The following RGS6 variants were observed in gnomAD, a reference collection of about 807,000 sequenced individuals.
RGS6 encodes regulator of G protein signaling 6, also known as regulator of G-protein signaling 6.
A neutral mutation model predicts 78.5 loss-of-function variants in RGS6; 30 were observed. The ratio of observed to expected loss-of-function variants is 0.38; its 90% CI spans 0.29 to 0.52. The LOEUF is 0.52. Ranked by LOEUF, RGS6 falls within the 20% of genes least tolerant of loss-of-function variation. RGS6 has a pLI of 0.85. For missense variants in RGS6, 495 were observed against 609.7 expected (o/e 0.81, Z 1.98); for synonymous variants, 206 against 206.0 (o/e 1.00, Z 0.00).
At chr14:72,087,268 T>C (rs72737869) in intron 2 of RGS6, among the ~76,000 whole-genome samples, 24,115 of 152,056 alleles carry the variant, frequency 0.16, 2,078 homozygotes, top group Non-Finnish European at 0.18. Context: ...GTAGCTAGGA[T>C]TACAGGTGCA....
At chr14:71,973,709 AG>A (rs1190653775) in intron 2 of RGS6, among the ~76,000 whole-genome samples, 2 of 152,224 alleles carry the variant, frequency 1.3e-5, no homozygotes, top group African/African-American at 4.8e-5. Flanking sequence ...GAAAGTGTTC[AG>A]GGTAACTAAT....
chr14:72,101,763 G>C (rs768269663), intron 2 of RGS6, among the ~76,000 whole-genome samples: 31 of 152,288 alleles, frequency 2.0e-4, no homozygotes, highest in Non-Finnish European at 3.1e-4. Context: ...TCTACCCCCA[G>C]TGTGATGTTA....
chr14:72,431,217 C>G (rs1036583188), intron 3 of RGS6, among the ~76,000 whole-genome samples: 4 of 152,172 alleles, frequency 2.6e-5, no homozygotes, highest in Non-Finnish European at 4.4e-5. Context: ...CAGAACTCTT[C>G]AATATGGACT....
intron 2 of RGS6, among the ~76,000 whole-genome samples, chr14:72,280,282 T>A (rs2061363535): frequency 6.6e-6 from 1 of 152,074 alleles, no homozygotes; most frequent in Non-Finnish European, 1.5e-5. Context: ...TTTAAAATAA[T>A]AGGGAATAGA....
rs1347302252 is a variant in RGS6, at chr14:72,563,197, T to C, written c.*730T>C. ...TCCAGCGTTCGAGGAAGCACTGTTG[T>C]AGATGACAGAGCTTTTTGTTTCACA... On this transcript the variant is annotated 3_prime_UTR_variant, in exon 18 of 18. Coordinates refer to ENST00000553525, the MANE Select transcript of RGS6 (RefSeq NM_001204424.2). 1.1e-5 allele frequency: 2 copies of C among 185,224 alleles called. No homozygotes were observed. Among genetic ancestry groups the C allele is most frequent in the Non-Finnish European group, 2.3e-5 (2 of 87,252 alleles). The allele number at this position is 185,224 out of a possible 1,614,324, so 11.5% of individuals were successfully genotyped here. A position where few individuals can be genotyped will look rare whatever the true frequency, so the allele number is the denominator to read the frequency against.
intron 17 of RGS6, chr14:72,541,319 G>C: frequency 1.5e-6 from 2 of 1,337,636 alleles, no homozygotes; most frequent in East Asian, 5.1e-5. Context: ...GTCGTAGCTA[G>C]ATGCATTTTA....
At chr14:72,103,355 T>C (rs1385369746) in intron 2 of RGS6, among the ~76,000 whole-genome samples, 1 of 152,244 alleles carries the variant, frequency 6.6e-6, no homozygotes, top group Non-Finnish European at 1.5e-5. Context: ...TGAAATGATT[T>C]TTAAATTAAC....
intron 2 of RGS6, among the ~76,000 whole-genome samples, chr14:72,306,450 T>C (rs2067262397): frequency 6.6e-6 from 1 of 152,200 alleles, no homozygotes; most frequent in Non-Finnish European, 1.5e-5. Flanking sequence ...ATAGCTCCCA[T>C]AGATAAGGAT....
chr14:72,595,204 G>A, the RGS6 span: 2 of 152,046 alleles, frequency 1.3e-5, no homozygotes, highest in African/African-American at 4.8e-5. Context: ...TGACCACCCT[G>A]ACCTTAGCAA....
intron 2 of RGS6, among the ~76,000 whole-genome samples, chr14:72,128,736 C>G (rs375248911): frequency 1.3e-5 from 2 of 152,178 alleles, no homozygotes; most frequent in African/African-American, 4.8e-5. Flanking sequence ...TTGAAAGATG[C>G]CCGGAAACAT....
At position 72,137,398 on chromosome 14, in the gene RGS6, G is replaced by A. The variant is rs574619573; in HGVS notation, c.84+172523G>A. 1.8e-3 allele frequency among the ~76,000 whole-genome samples: 268 copies of A among 152,266 alleles called. 1 individual carries two copies. Among genetic ancestry groups the A allele is most frequent in the Non-Finnish European group, 2.3e-3 (159 of 68,022 alleles). On this transcript the variant is annotated intron_variant, in intron 2 of 17. Coordinates refer to ENST00000553525, the MANE Select transcript of RGS6 (RefSeq NM_001204424.2). The stretch of plus-strand genomic sequence containing the variant: ...CACTGGATGTCCTATAGTTTGGCCC[G>A]GTTCTAACACTGTCTACCTGGAGAT...
the RGS6 span, among the ~76,000 whole-genome samples, chr14:72,612,224 GC>G: frequency 6.6e-6 from 1 of 152,212 alleles, no homozygotes; most frequent in Non-Finnish European, 1.5e-5. Flanking sequence ...GAGCACAAAT[GC>G]CCCCTAAGCA....
At chr14:71,918,837 C>T in the RGS6 span, among the ~76,000 whole-genome samples, 13 of 151,944 alleles carry the variant, frequency 8.6e-5, no homozygotes, top group South Asian at 6.2e-4. Flanking sequence ...CTATTTTTTA[C>T]GGATAATATT....
the RGS6 span, among the ~76,000 whole-genome samples, chr14:72,595,729 C>A: frequency 2.0e-5 from 3 of 152,250 alleles, no homozygotes; most frequent in Non-Finnish European, 2.9e-5. Flanking sequence ...CCTCTGCCTT[C>A]TTTAAAGGTT....
chr14:72,115,164 A>G lies in RGS6; in HGVS notation c.84+150289A>G, dbSNP rs559607435. The stretch of plus-strand genomic sequence containing the variant: ...TATGGAAGGGCATGAGAAGGCACCA[A>G]ATCTTCAACCCTAGCGCTCGCTCAG... On this transcript the variant is annotated intron_variant, in intron 2 of 17. Coordinates refer to ENST00000553525, the MANE Select transcript of RGS6 (RefSeq NM_001204424.2). Among the ~76,000 whole-genome samples the G allele has an allele frequency of 2.0e-4, 30 of 152,318 alleles. 1 individual carries two copies. Among genetic ancestry groups the G allele is most frequent in the African/African-American group, 7.2e-4 (30 of 41,576 alleles).
At chr14:72,302,173 A>T (rs1174068262) in intron 2 of RGS6, among the ~76,000 whole-genome samples, 1 of 152,218 alleles carries the variant, frequency 6.6e-6, no homozygotes, top group East Asian at 1.9e-4. Flanking sequence ...ATAGAGTCGT[A>T]GTCAATTATA....
At chr14:72,521,155 A>T (rs996940200) in intron 15 of RGS6, among the ~76,000 whole-genome samples, 1 of 152,204 alleles carries the variant, frequency 6.6e-6, no homozygotes, top group Non-Finnish European at 1.5e-5. Flanking sequence ...AGGGGATTTT[A>T]TTTAACCGCT....
At chr14:71,960,945 GTC>G (rs1232891700) in intron 1 of RGS6, among the ~76,000 whole-genome samples, 1 of 152,144 alleles carries the variant, frequency 6.6e-6, no homozygotes, top group Non-Finnish European at 1.5e-5. Context: ...ATTCCTACCG[GTC>G]TCTGAACATT....
the RGS6 span, among the ~76,000 whole-genome samples, chr14:72,572,208 C>T: frequency 1.3e-5 from 2 of 152,110 alleles, no homozygotes; most frequent in Admixed American, 1.3e-4. Flanking sequence ...ATGTAAAATG[C>T]TGCAGCCGCT....
Sources: allele counts gnomAD v4.1 joint callset (sites outside exome capture counted in the v4.1 genomes callset), GRCh38; gene constraint gnomAD v4.1.1; transcripts MANE v1.5; gene names NCBI Gene and HGNC (gene_info 2026-07-23, HGNC 2026-07-21).